The following TUB variants were observed in gnomAD, a reference collection of about 807,000 sequenced individuals.
TUB encodes the protein TUB bipartite transcription factor, also known as tubby protein homolog.
Under a neutral mutation model 59.7 loss-of-function variants are expected in TUB, and 33 were observed. The ratio of observed to expected loss-of-function variants is 0.55; its 90% CI spans 0.42 to 0.74. The LOEUF is 0.74. TUB is among the 30% of genes least tolerant of loss of function. The pLI is 0.00. For synonymous variants in TUB, 293 were observed against 256.4 expected (o/e 1.14, Z -1.36); for missense variants, 659 against 672.0 (o/e 0.98, Z 0.21).
At chr11:8,072,204 C>G (rs1943372963) in intron 2 of TUB, among the ~76,000 whole-genome samples, 1 of 152,168 alleles carries the variant, frequency 6.6e-6, no homozygotes, top group South Asian at 2.1e-4. Flanking sequence ...ACAGCCCCAC[C>G]ACCCCTGGGC....
intron 4 of TUB, among the ~76,000 whole-genome samples, 192 bp downstream of exon 4, chr11:8,094,381 C>T (rs1476832463): frequency 6.6e-6 from 1 of 152,154 alleles, no homozygotes; most frequent in African/African-American, 2.4e-5. Context: ...TGGGCTGCCT[C>T]TGGGTGTGGG....
chr11:8,065,273 C>T (rs896834827), intron 2 of TUB, among the ~76,000 whole-genome samples: 2 of 152,174 alleles, frequency 1.3e-5, no homozygotes, highest in African/African-American at 4.8e-5. Flanking sequence ...ACTCCCTTTC[C>T]CTCTCATTCC....
At chr11:8,072,810 T>G (rs1360664002) in intron 2 of TUB, among the ~76,000 whole-genome samples, 2 of 152,258 alleles carry the variant, frequency 1.3e-5, no homozygotes, top group Non-Finnish European at 1.5e-5. Flanking sequence ...CAGTCTTGTG[T>G]GTTTTCACAG....
chr11:8,095,257 G>A (rs949310508), intron 4 of TUB, among the ~76,000 whole-genome samples: 1 of 152,186 alleles, frequency 6.6e-6, no homozygotes, highest in Admixed American at 6.5e-5. Context: ...GTGAGGTGTT[G>A]TAAACCAACC....
At chr11:8,024,593 T>C (rs1056469037) in intron 1 of TUB, among the ~76,000 whole-genome samples, 4 of 152,186 alleles carry the variant, frequency 2.6e-5, no homozygotes, top group Admixed American at 2.6e-4. Context: ...CTTCAATCAC[T>C]CCCTTGTGGG....
chr11:8,089,747 G>A (rs1356140916), intron 2 of TUB, 86 bp downstream of exon 2: 1 of 1,534,612 alleles, frequency 6.5e-7, no homozygotes, highest in Non-Finnish European at 9.0e-7. Flanking sequence ...ATCTTCCCTG[G>A]ATGATCCCGT....
At chr11:8,098,910 G>C in intron 9 of TUB, 35 bp downstream of exon 9, 1 of 1,481,794 alleles carries the variant, frequency 6.7e-7, no homozygotes, top group Non-Finnish European at 9.4e-7. Context: ...TGATTTCCAA[G>C]GTAGATATGA....
intron 2 of TUB, among the ~76,000 whole-genome samples, chr11:8,049,578 T>TATATAGATAGATAGATAGATAG (rs1055522231): frequency 3.6e-4 from 31 of 85,914 alleles, no homozygotes; most frequent in African/African-American, 7.4e-4. Flanking sequence ...TATATATATA[T>TATATAGATAGATAGATAGATAG]ATAGATAGAT....
chr11:8,098,991 A>T, intron 9 of TUB, 116 bp downstream of exon 9: 1 of 795,904 alleles, frequency 1.3e-6, no homozygotes. Flanking sequence ...CTGTGTGGAG[A>T]GGGGCTGTCC....
At chr11:8,053,209 A>G (rs1942961361) in intron 2 of TUB, among the ~76,000 whole-genome samples, 1 of 152,222 alleles carries the variant, frequency 6.6e-6, no homozygotes. Context: ...TATATAAACC[A>G]TCTTTCCATT....
intron 1 of TUB, among the ~76,000 whole-genome samples, chr11:8,023,746 C>G (rs1037989267): frequency 2.0e-4 from 30 of 152,190 alleles, no homozygotes; most frequent in African/African-American, 7.2e-4. Context: ...TTATCTATAC[C>G]ACTGATTGTG....
At chr11:8,072,573 G>A (rs374057554) in intron 2 of TUB, among the ~76,000 whole-genome samples, 1 of 152,310 alleles carries the variant, frequency 6.6e-6, no homozygotes, top group East Asian at 1.9e-4. Flanking sequence ...TCAGTGAGTG[G>A]GAGCTCTAAG....
chr11:8,073,125 T>A (rs976391761), intron 2 of TUB, among the ~76,000 whole-genome samples: 12 of 152,120 alleles, frequency 7.9e-5, no homozygotes, highest in Admixed American at 2.6e-4. Context: ...CCTCCATAGG[T>A]CTTGGAACTT....
intron 1 of TUB, among the ~76,000 whole-genome samples, chr11:8,031,496 A>G (rs1942570298): frequency 2.0e-5 from 3 of 152,244 alleles, no homozygotes; most frequent in Admixed American, 2.0e-4. Context: ...GACCCTGGGC[A>G]GTGAGCTGTG....
intron 9 of TUB, among the ~76,000 whole-genome samples, chr11:8,099,679 C>A (rs1396503921): frequency 1.3e-5 from 2 of 152,154 alleles, no homozygotes; most frequent in East Asian, 3.9e-4. Context: ...TAAGTATGTT[C>A]TTTATAAACA....
At chr11:8,086,587 C>T (rs187183210) in intron 1 of TUB, among the ~76,000 whole-genome samples, 3 of 152,264 alleles carry the variant, frequency 2.0e-5, no homozygotes, top group Admixed American at 6.5e-5. Context: ...GCTAGGTAAT[C>T]GTGGTCCCAT....
At chr11:8,084,725 G>A (rs1943634899) in intron 1 of TUB, among the ~76,000 whole-genome samples, 1 of 152,206 alleles carries the variant, frequency 6.6e-6, no homozygotes, top group Non-Finnish European at 1.5e-5. Flanking sequence ...TCCCGGGATA[G>A]CCTCTAGGGC....
At chr11:8,095,806 A>C (rs1444908593) in intron 5 of TUB, 141 bp downstream of exon 5, 1 of 956,876 alleles carries the variant, frequency 1.0e-6, no homozygotes, top group East Asian at 2.7e-5. Context: ...CTTCGGAGAC[A>C]AATGAGAAAC....
intron 2 of TUB, among the ~76,000 whole-genome samples, chr11:8,066,098 G>A (rs560707870): frequency 2.0e-5 from 3 of 152,296 alleles, no homozygotes; most frequent in Middle Eastern, 3.4e-3. Context: ...CGAGGAGGAA[G>A]GGGCCCGGGG....
Sources: gnomAD v4.1 joint callset for allele counts (sites outside exome capture counted in the v4.1 genomes callset) on GRCh38, gnomAD v4.1.1 for gene constraint, MANE v1.5 for transcripts, NCBI Gene and HGNC (gene_info 2026-07-23, HGNC 2026-07-21) for gene names.